ANO5: variants seen among roughly 807,000 people sequenced by gnomAD.
The protein encoded by ANO5 is anoctamin 5, also known as anoctamin-5.
In ANO5, 109 loss-of-function variants were observed where a neutral mutation model predicts 121.0. The observed-to-expected ratio is 0.90, with a 90% CI of 0.77 to 1.06. The LOEUF is 1.06. ANO5 is among the 50% of genes least tolerant of loss of function. ANO5 has a pLI of 0.00. For missense variants in ANO5, 1,064 were observed against 1,078.5 expected (o/e 0.99, Z 0.19); for synonymous variants, 406 against 359.9 (o/e 1.13, Z -1.45).
intron 1 of ANO5, among the ~76,000 whole-genome samples, chr11:22,195,952 G>C (rs12223583): frequency 1.3e-5 from 2 of 152,284 alleles, no homozygotes; most frequent in South Asian, 2.1e-4. Context: ...GCATTGATGA[G>C]ATCAGGGCCT....
At chr11:22,221,532 A>G (rs1265928025) in intron 5 of ANO5, among the ~76,000 whole-genome samples, 2 of 151,990 alleles carry the variant, frequency 1.3e-5, no homozygotes, top group East Asian at 3.9e-4. Flanking sequence ...CTTTTGTATG[A>G]TATTTTCATT....
intron 1 of ANO5, among the ~76,000 whole-genome samples, chr11:22,198,496 C>A (rs1161444701): frequency 6.6e-6 from 1 of 152,130 alleles, no homozygotes; most frequent in Non-Finnish European, 1.5e-5. Context: ...TTTCCACATT[C>A]TCAAATAAAT....
upstream of ANO5, chr11:22,192,868 A>C: frequency 5.1e-6 from 3 of 587,928 alleles, no homozygotes; most frequent in Non-Finnish European, 4.3e-6. Context: ...GGGAGGCTGC[A>C]TGTCCGGAGG....
chr11:22,238,025 A>G (rs1270680756), intron 8 of ANO5, among the ~76,000 whole-genome samples: 1 of 152,162 alleles, frequency 6.6e-6, no homozygotes, highest in African/African-American at 2.4e-5. Context: ...ATTGTTTTTA[A>G]ATTTGTGTGT....
At chr11:22,244,019 A>C (rs1281009052) in intron 9 of ANO5, among the ~76,000 whole-genome samples, 1 of 119,828 alleles carries the variant, frequency 8.3e-6, no homozygotes, top group East Asian at 2.2e-4. Context: ...TATGTGTTTA[A>C]GTGTGTTTTG....
Position 22,262,187 on chromosome 11 carries a change from T to C in ANO5, c.1689T>C (p.Phe563=), listed in dbSNP as rs527322470. The C allele has an allele frequency of 1.1e-5, 17 of 1,613,884 alleles. No homozygotes were observed. Among genetic ancestry groups the C allele is most frequent in the Non-Finnish European group, 1.4e-5 (17 of 1,179,960 alleles). ...GTCTTACCTTGAAAATGTTCCTGTT[T>C]CAGTTTGTAAATTTTTACTCATCCT... The part of the protein sequence containing the change: ...ESSLTLKMFL[F]QFVNFYSSCF... Residue 563 remains phenylalanine (F), a synonymous_variant, in exon 16 of 22, where the codon TTT becomes TTC. Transcript: ENST00000324559.
chr11:22,233,193 G>T (rs1165349506), intron 7 of ANO5, among the ~76,000 whole-genome samples: 1 of 151,528 alleles, frequency 6.6e-6, no homozygotes, highest in African/African-American at 2.4e-5. Context: ...ATGGAGACTG[G>T]GAGATGAGTA....
At chr11:22,272,710 G>A in intron 18 of ANO5, 74 bp from the exon 19 acceptor site, 1 of 1,373,434 alleles carries the variant, frequency 7.3e-7, no homozygotes, top group South Asian at 1.2e-5. Flanking sequence ...GAAGGAAGTA[G>A]CAGGATTTGG....
chr11:22,265,841 C>G (rs1854341188), intron 17 of ANO5, among the ~76,000 whole-genome samples: 1 of 151,970 alleles, frequency 6.6e-6, no homozygotes, highest in Non-Finnish European at 1.5e-5. Context: ...TTAAGGCTTA[C>G]TACAAACTAT....
intron 9 of ANO5, among the ~76,000 whole-genome samples, chr11:22,247,292 A>G (rs1590278432): frequency 6.6e-6 from 1 of 152,164 alleles, no homozygotes; most frequent in South Asian, 2.1e-4. Flanking sequence ...TTCACCAGGA[A>G]CAAAATCCTG....
chr11:22,271,337 A>C (rs977562566), intron 18 of ANO5, among the ~76,000 whole-genome samples: 2 of 152,090 alleles, frequency 1.3e-5, no homozygotes, highest in South Asian at 2.1e-4. Flanking sequence ...CGTGAGCCAC[A>C]GCGCCCAGCC....
intron 7 of ANO5, among the ~76,000 whole-genome samples, chr11:22,234,916 A>G (rs1332055277): frequency 6.6e-6 from 1 of 152,100 alleles, no homozygotes; most frequent in Non-Finnish European, 1.5e-5. Context: ...CCCTATAGGA[A>G]CCTGAACACT....
At position 22,267,008 on chromosome 11, in the gene ANO5, A is replaced by C. The variant is rs571162724; in HGVS notation, c.1899-3304A>C. 2.0e-3 allele frequency among the ~76,000 whole-genome samples: 303 copies of C among 152,344 alleles called. 1 individual carries two copies. Among genetic ancestry groups the C allele is most frequent in the African/African-American group, 6.8e-3 (281 of 41,582 alleles). On this transcript the variant is annotated intron_variant, in intron 17 of 21. Coordinates refer to ENST00000324559, the MANE Select transcript of ANO5 (RefSeq NM_213599.3). ...TAACTTTAATGTGGTAGAATTTATC[A>C]ATCTTTTATTTTATGTGTTAGCATT... is the stretch of plus-strand genomic sequence containing the variant.
chr11:22,269,544 G>A (rs1854529824), intron 17 of ANO5, among the ~76,000 whole-genome samples: 1 of 80,604 alleles, frequency 1.2e-5, no homozygotes, highest in African/African-American at 6.9e-5. Flanking sequence ...AAAAAGAAAA[G>A]GAAGGAAAGA....
chr11:22,210,092 G>A (rs1014894876), intron 2 of ANO5, among the ~76,000 whole-genome samples: 3 of 152,026 alleles, frequency 2.0e-5, no homozygotes, highest in Admixed American at 2.0e-4. Flanking sequence ...AGGTCCACAA[G>A]TAGATATAAT....
intron 13 of ANO5, among the ~76,000 whole-genome samples, chr11:22,257,184 T>C (rs935996341): frequency 1.3e-5 from 2 of 152,154 alleles, no homozygotes; most frequent in Admixed American, 1.3e-4. Context: ...ATAATCAATA[T>C]CTTTCATTAA....
In ANO5 at chr11:22,274,565, T is replaced by C; in HGVS notation, c.2236-4T>C. ...ATCTTCCTCTTTTTTTTTTTATTCT[T>C]CAGGCCTTTATTGTTGCATTTACGT... is the stretch of plus-strand genomic sequence containing the variant. On this transcript the variant is annotated splice_polypyrimidine_tract_variant and splice_region_variant and intron_variant, in intron 19 of 21. Coordinates refer to ENST00000324559, the MANE Select transcript of ANO5 (RefSeq NM_213599.3). 1 of 1,583,754 alleles carries C rather than the reference T, an allele frequency of 6.3e-7. No individual in the cohort carries two copies. The highest frequency in any genetic ancestry group is 8.6e-7 in the Non-Finnish European group (1 of 1,165,004).
At chr11:22,225,432 G>A (rs1229218540) in intron 5 of ANO5, among the ~76,000 whole-genome samples, 4 of 152,018 alleles carry the variant, frequency 2.6e-5, no homozygotes, top group East Asian at 3.9e-4. Context: ...ACTCCAGCCC[G>A]GGTGACAGAG....
At chr11:22,193,600 C>T in intron 1 of ANO5, 68 bp downstream of exon 1, 2 of 1,564,434 alleles carry the variant, frequency 1.3e-6, no homozygotes, top group Non-Finnish European at 1.7e-6. Context: ...ACCCGCGGCG[C>T]AGAGGCCCCG....
Sources: gnomAD v4.1 joint callset for allele counts (sites outside exome capture counted in the v4.1 genomes callset) on GRCh38, gnomAD v4.1.1 for gene constraint, MANE v1.5 for transcripts, NCBI Gene and HGNC (gene_info 2026-07-23, HGNC 2026-07-21) for gene names.